ACOT12: variants seen among roughly 807,000 people sequenced by gnomAD.
The protein encoded by ACOT12 is acyl-CoA thioesterase 12, also known as acetyl-coenzyme A thioesterase.
A neutral mutation model predicts 67.7 loss-of-function variants in ACOT12; 51 were observed. The observed-to-expected ratio is 0.75, with a 90% CI of 0.60 to 0.95. The LOEUF is 0.95. Ranked by LOEUF, ACOT12 falls within the 40% of genes least tolerant of loss-of-function variation. The probability of loss-of-function intolerance (pLI) is 0.00; values close to 1 mark genes in which losing one functional copy is unlikely to be tolerated. For synonymous variants in ACOT12, 251 were observed against 244.6 expected, an observed-to-expected ratio of 1.03 and a Z score of -0.24; for missense variants, 734 against 708.1, an observed-to-expected ratio of 1.04 and a Z score of -0.41.
the ACOT12 span, among the ~76,000 whole-genome samples, chr5:81,323,548 T>C: frequency 8.5e-5 from 13 of 152,216 alleles, no homozygotes; most frequent in African/African-American, 3.1e-4. Context: ...TCCATTGATG[T>C]GTCACATGGT....
At chr5:81,328,372 G>A (rs918106677), downstream of ACOT12, among the ~76,000 whole-genome samples, 3 of 151,904 alleles carry the variant, frequency 2.0e-5, no homozygotes, top group Non-Finnish European at 4.4e-5. Flanking sequence ...TGCTGAACCC[G>A]CCGTGCCTAA....
At chr5:81,346,069 C>T in intron 6 of ACOT12, 65 bp from the exon 7 acceptor site, 1 of 1,585,550 alleles carries the variant, frequency 6.3e-7, no homozygotes, top group Non-Finnish European at 8.6e-7. Context: ...AACAAATGCA[C>T]AGACAAGTCT....
chr5:81,374,884 T>TG (rs1342784948), intron 2 of ACOT12, among the ~76,000 whole-genome samples: 1 of 152,148 alleles, frequency 6.6e-6, no homozygotes, highest in African/African-American at 2.4e-5. Flanking sequence ...TTGAAAGTGA[T>TG]GGGGAGAATG....
chr5:81,343,769 T>C (rs748645053), intron 10 of ACOT12, 49 bp downstream of exon 10: 8 of 1,586,828 alleles, frequency 5.0e-6, no homozygotes, highest in Non-Finnish European at 6.9e-6. Flanking sequence ...TTTCCATTTT[T>C]GTAATGATGA....
intron 11 of ACOT12, among the ~76,000 whole-genome samples, chr5:81,337,438 C>T (rs1759040571): frequency 1.3e-5 from 2 of 152,176 alleles, no homozygotes; most frequent in Admixed American, 1.3e-4. Context: ...ACCTCAGAAT[C>T]TGACCTTATA....
intron 1 of ACOT12, among the ~76,000 whole-genome samples, chr5:81,386,671 A>G (rs1328881776): frequency 6.6e-6 from 1 of 152,162 alleles, no homozygotes; most frequent in Non-Finnish European, 1.5e-5. Context: ...AGTTTTGGAG[A>G]CTTCAGTCCT....
At chr5:81,309,480 G>T in the ACOT12 span, among the ~76,000 whole-genome samples, 1 of 152,166 alleles carries the variant, frequency 6.6e-6, no homozygotes, top group Non-Finnish European at 1.5e-5. Context: ...TATTTGTCTG[G>T]TATGGGATCA....
intron 3 of ACOT12, among the ~76,000 whole-genome samples, chr5:81,370,339 T>C (rs918054361): frequency 5.3e-5 from 8 of 152,154 alleles, no homozygotes; most frequent in African/African-American, 1.7e-4. Flanking sequence ...ACCAATGGCA[T>C]GGTTACTGTC....
chr5:81,340,770 CGTG>C (rs1759170398), intron 11 of ACOT12, among the ~76,000 whole-genome samples: 2 of 152,040 alleles, frequency 1.3e-5, no homozygotes, highest in South Asian at 4.1e-4. Context: ...AGCTGTAAAA[CGTG>C]GGAGAGAAGA....
chr5:81,367,424 C>G (rs1368198133), intron 3 of ACOT12, among the ~76,000 whole-genome samples: 3 of 152,008 alleles, frequency 2.0e-5, no homozygotes, highest in African/African-American at 7.3e-5. Flanking sequence ...GGCACAAAGG[C>G]TGGGACATGG....
chr5:81,335,254 T>C (rs1032517701), intron 12 of ACOT12, among the ~76,000 whole-genome samples: 2 of 152,228 alleles, frequency 1.3e-5, no homozygotes, highest in Non-Finnish European at 2.9e-5. Context: ...ACTGGTAGAA[T>C]TACAATAGAT....
chr5:81,344,130 C>T, intron 9 of ACOT12, 30 bp downstream of exon 9: 2 of 1,607,746 alleles, frequency 1.2e-6, no homozygotes, highest in Non-Finnish European at 1.7e-6. Flanking sequence ...ACGAAGACTC[C>T]ATAAAATCAT....
intron 11 of ACOT12, among the ~76,000 whole-genome samples, chr5:81,336,175 T>C (rs1263786096): frequency 6.6e-6 from 1 of 151,558 alleles, no homozygotes; most frequent in Non-Finnish European, 1.5e-5. Flanking sequence ...TCATGAAAAA[T>C]GTAAAAACCT....
chr5:81,344,269 T>C, intron 8 of ACOT12, 54 bp from the exon 9 acceptor site: 2 of 1,535,526 alleles, frequency 1.3e-6, no homozygotes, highest in Non-Finnish European at 1.8e-6. Context: ...ATCTACTATC[T>C]TAGTGCTATA....
At chr5:81,363,947 A>G in intron 3 of ACOT12, 58 bp from the exon 4 acceptor site, 1 of 1,275,064 alleles carries the variant, frequency 7.8e-7, no homozygotes, top group Non-Finnish European at 1.0e-6. Flanking sequence ...TTCAGCATTC[A>G]AAATTTAGTC....
chr5:81,344,027 A>C lies in ACOT12; in HGVS notation c.980+133T>G, dbSNP rs1759291036. 4 of 1,235,970 alleles carry C rather than the reference A, an allele frequency of 3.2e-6. No individual in the cohort carries two copies. In the East Asian group the frequency reaches 7.1e-5, roughly 22 times the overall value. 76.6% of individuals were successfully genotyped at this position (1,235,970 alleles called of 1,614,324 possible). On this transcript the variant is annotated intron_variant, in intron 9 of 14. Coordinates refer to ENST00000307624, the MANE Select transcript of ACOT12 (RefSeq NM_130767.3). ...GAACTATTTCCATAAGTCAGTAGTC[A>C]GCCTTTGCGGCCAGGAAACATCAGA... is the stretch of plus-strand genomic sequence containing the variant.
chr5:81,357,207 C>A (rs1042238278), intron 5 of ACOT12, among the ~76,000 whole-genome samples: 16 of 152,138 alleles, frequency 1.1e-4, no homozygotes, highest in Admixed American at 2.0e-4. Context: ...GGCCCTTCCT[C>A]TGGGCTCCCA....
At chr5:81,389,672 G>A (rs781474515) in intron 1 of ACOT12, among the ~76,000 whole-genome samples, 4 of 151,358 alleles carry the variant, frequency 2.6e-5, no homozygotes, top group East Asian at 2.0e-4. Context: ...GAATACAGGC[G>A]TGCGCCACCA....
intron 5 of ACOT12, among the ~76,000 whole-genome samples, chr5:81,353,509 C>T (rs950318430): frequency 3.3e-5 from 5 of 152,154 alleles, no homozygotes; most frequent in African/African-American, 1.2e-4. Flanking sequence ...GAATTGAGGT[C>T]ATGCTAGCCC....
Sources: allele counts gnomAD v4.1 joint callset (sites outside exome capture counted in the v4.1 genomes callset), GRCh38; gene constraint gnomAD v4.1.1; transcripts MANE v1.5; gene names NCBI Gene and HGNC (gene_info 2026-07-23, HGNC 2026-07-21).